The following BRD4 variants were observed in gnomAD, a reference collection of about 807,000 sequenced individuals.
The protein encoded by BRD4 is bromodomain containing 4, also known as bromodomain-containing protein 4.
BRD4 carries 16 observed loss-of-function variants against 142.1 expected under a neutral mutation model. The observed-to-expected ratio is 0.11, with a 90% confidence interval of 0.08 to 0.17. The LOEUF is 0.17. BRD4 is among the 10% of genes least tolerant of loss of function. The pLI is 1.00. For missense variants in BRD4, 1,424 were observed against 1,810.9 expected (o/e 0.79, Z 3.88); for synonymous variants, 833 against 707.5 (o/e 1.18, Z -2.82).
chr19:15,242,405 G>T (rs1336883063), intron 14 of BRD4, among the ~76,000 whole-genome samples: 1 of 152,210 alleles, frequency 6.6e-6, no homozygotes, highest in Non-Finnish European at 1.5e-5. Context: ...CTGGGCTGGA[G>T]GCTGGTAACA....
Position 15,238,244 on chromosome 19 carries a change from C to T in BRD4, c.*133G>A, listed in dbSNP as rs200844588. On this transcript the variant is annotated 3_prime_UTR_variant, in exon 20 of 20. Transcript: ENST00000679869. The surrounding 1 kb of genome is among the most constrained non-coding windows in gnomAD (Gnocchi z 7.2). ...CCTCAGCTGCCCGTCAGGCCTGCCC[C>T]GGGCATAGCATGCAGGAGGGCCAGG... The T allele has an allele frequency of 2.9e-5, 42 of 1,452,820 alleles. No individual in the cohort carries two copies. In the Middle Eastern group the frequency reaches 5.4e-4, roughly 19 times the overall value. The allele number at this position is 1,452,820 out of a possible 1,614,324, so 90.0% of individuals were successfully genotyped here. A position where few individuals can be genotyped will look rare whatever the true frequency, so the allele number is the denominator to read the frequency against.
intron 1 of BRD4, among the ~76,000 whole-genome samples, chr19:15,302,771 C>T (rs1269450515): frequency 2.6e-5 from 4 of 150,964 alleles, no homozygotes; most frequent in Non-Finnish European, 5.9e-5. Context: ...TTTGGGAGGC[C>T]GAGGCGGGCG....
chr19:15,320,399 G>A (rs935983322), intron 1 of BRD4, among the ~76,000 whole-genome samples: 5 of 152,136 alleles, frequency 3.3e-5, no homozygotes, highest in Non-Finnish European at 1.5e-5. Context: ...ACCTTTTGCA[G>A]GCACGGAAGA....
chr19:15,253,369 C>T (rs1408699974), intron 11 of BRD4: 5 of 612,492 alleles, frequency 8.2e-6, no homozygotes, highest in Non-Finnish European at 1.1e-5. Context: ...GTCCCCTCTC[C>T]ACTCCCACCT....
In BRD4 at chr19:15,263,693, C is replaced by T. The variant is rs2047499592; in HGVS notation, c.1213-145G>A. On this transcript the variant is annotated intron_variant, in intron 6 of 19. Transcript: ENST00000679869. ...TCAAGACTCTAGTGGGGGGACAGGC[C>T]ATCACCCCAGTTCTCAGCCTCAGGG... is the stretch of plus-strand genomic sequence containing the variant. The T allele has an allele frequency of 7.8e-6, 8 of 1,032,076 alleles. No homozygotes were observed. The East Asian group carries it at 1.8e-4, about 23-fold the overall frequency. 63.9% of individuals were successfully genotyped at this position (1,032,076 alleles called of 1,614,324 possible).
rs201844945 is a variant in BRD4, at chr19:15,239,843, G to A, written c.3283-22C>T. 475 of 1,613,834 alleles carry A rather than the reference G, an allele frequency of 2.9e-4. 1 individual carries two copies. In the African/African-American group the frequency reaches 5.2e-3, roughly 18 times the overall value. ...GCTCCTGGGATGGCACAGGCACAGCGGCCGGTGAGGTGGGCAGGCACCCCC... is the reference window on the plus strand; with the variant it reads ...GCTCCTGGGATGGCACAGGCACAGCAGCCGGTGAGGTGGGCAGGCACCCCC... On this transcript the variant is annotated intron_variant, in intron 15 of 19. Transcript: ENST00000679869. The surrounding 1 kb of genome is among the most constrained non-coding windows in gnomAD (Gnocchi z 7.4).
At chr19:15,253,200 C>T (rs958815167) in intron 11 of BRD4, 10 of 347,640 alleles carry the variant, frequency 2.9e-5, no homozygotes, top group Admixed American at 2.2e-4. Context: ...GCGGCAACCC[C>T]GTTGGCCGTA....
chr19:15,256,409 G>A, intron 8 of BRD4, 146 bp from the exon 9 acceptor site: 1 of 985,238 alleles, frequency 1.0e-6, no homozygotes, highest in South Asian at 1.6e-5. Flanking sequence ...GGAAGGGAAG[G>A]CCCCCAGCTT....
At chr19:15,267,301 A>G (rs535694913) in intron 4 of BRD4, 115 bp downstream of exon 4, 3 of 1,317,296 alleles carry the variant, frequency 2.3e-6, no homozygotes, top group East Asian at 4.7e-5. Context: ...AAACACCAAC[A>G]CGGCATGCAG....
At chr19:15,289,596 G>A (rs975670011) in intron 1 of BRD4, among the ~76,000 whole-genome samples, 3 of 150,764 alleles carry the variant, frequency 2.0e-5, no homozygotes, top group African/African-American at 7.3e-5. Context: ...AAATAGATGG[G>A]TATTACTTCC....
At position 15,239,131 on chromosome 19, in the gene BRD4, C is replaced by T. The variant is rs2145499778; in HGVS notation, c.3710G>A (p.Arg1237His). 2 of 1,611,162 alleles carry T rather than the reference C, an allele frequency of 1.2e-6. No homozygotes were observed. The highest frequency in any genetic ancestry group is 1.7e-6 in the Non-Finnish European group (2 of 1,179,734). The stretch of plus-strand genomic sequence containing the variant: ...GGCCTGAGCCTTCAGGGCCTTCTCA[C>T]GCTCCTCTTTCTCCCGAGCGGCGCG... Reference protein sequence around the residue: ...FRRAAREKEEREKALKAQAEH... With the variant: ...FRRAAREKEEHEKALKAQAEH... The change falls in exon 18 of 20, where the codon CGT becomes CAT. Residue 1237 changes from arginine to histidine, a missense_variant. By Grantham distance (29) the Arg-to-His change is conservative (BLOSUM62 0). Transcript: ENST00000679869. The surrounding 1 kb of genome is among the most constrained non-coding windows in gnomAD (Gnocchi z 7.4).
chr19:15,238,282 C>T lies in BRD4; in HGVS notation c.*95G>A. 5 of 1,571,250 alleles carry T rather than the reference C, an allele frequency of 3.2e-6. No homozygotes were observed. Among genetic ancestry groups the T allele is most frequent in the Non-Finnish European group, 4.3e-6 (5 of 1,155,624 alleles). ...CAGGAGGGCCAGGCCCTGAGGCATC[C>T]CCTGGCCGCTGATCCCACCTCCACC... On this transcript the variant is annotated 3_prime_UTR_variant, in exon 20 of 20. Coordinates refer to ENST00000679869, the MANE Select transcript of BRD4 (RefSeq NM_001379291.1). This position sits in a 1 kb window ranked among gnomAD's most constrained non-coding sequence, Gnocchi z 7.2.
At chr19:15,247,875 C>T (rs1853267894) in intron 11 of BRD4, 2 of 229,292 alleles carry the variant, frequency 8.7e-6, no homozygotes, top group Non-Finnish European at 1.7e-5. Flanking sequence ...CAATGCAGGG[C>T]CCCGGGAGGC....
At chr19:15,305,956 C>T (rs2047910226) in intron 1 of BRD4, among the ~76,000 whole-genome samples, 1 of 152,236 alleles carries the variant, frequency 6.6e-6, no homozygotes. Flanking sequence ...TTTCCTTAAA[C>T]CTCATGAACC....
At chr19:15,306,138 T>C (rs975749154) in intron 1 of BRD4, among the ~76,000 whole-genome samples, 7 of 152,218 alleles carry the variant, frequency 4.6e-5, no homozygotes, top group African/African-American at 9.7e-5. Flanking sequence ...AGCAATAAGG[T>C]TGTTTCACTT....
rs185077256 is a variant in BRD4, at chr19:15,322,280, G to T, written c.-35+10010C>A. The stretch of plus-strand genomic sequence containing the variant: ...CCATGGTTTTGTTTTGTTTTGTTTT[G>T]TTTTCTTCTGAGATGGAGTCTCGCT... On this transcript the variant is annotated intron_variant, in intron 1 of 19. Coordinates refer to ENST00000679869, the MANE Select transcript of BRD4 (RefSeq NM_001379291.1). Among the ~76,000 whole-genome samples the T allele has an allele frequency of 9.0e-3, 1,373 of 151,946 alleles. 10 individuals are homozygous for T. The highest frequency in any genetic ancestry group is 0.013 in the Admixed American group (197 of 15,240).
intron 1 of BRD4, among the ~76,000 whole-genome samples, chr19:15,294,568 C>T (rs2047808510): frequency 6.6e-6 from 1 of 152,208 alleles, no homozygotes; most frequent in African/African-American, 2.4e-5. Context: ...AATTTTGTTC[C>T]CCTTTCCCAC....
chr19:15,257,748 C>T (rs974318659), intron 7 of BRD4, among the ~76,000 whole-genome samples: 1 of 152,164 alleles, frequency 6.6e-6, no homozygotes, highest in Non-Finnish European at 1.5e-5. Flanking sequence ...CAGCACTTAA[C>T]CAAGCAGGGC....
At chr19:15,320,266 T>G (rs1395134254) in intron 1 of BRD4, among the ~76,000 whole-genome samples, 1 of 152,178 alleles carries the variant, frequency 6.6e-6, no homozygotes, top group Non-Finnish European at 1.5e-5. Flanking sequence ...CAGTAGAACT[T>G]AACACTTGTT....
Sources: allele counts gnomAD v4.1 joint callset (sites outside exome capture counted in the v4.1 genomes callset), GRCh38; gene constraint gnomAD v4.1.1; non-coding constraint Gnocchi (gnomAD v3.1); transcripts MANE v1.5; gene names NCBI Gene and HGNC (gene_info 2026-07-23, HGNC 2026-07-21).